The following DNAJC9 variants were observed in gnomAD, a reference collection of about 807,000 sequenced individuals.
DNAJC9 encodes the protein dnaJ homolog subfamily C member 9.
Under a neutral mutation model 32.4 loss-of-function variants are expected in DNAJC9, and 18 were observed. The observed-to-expected ratio is 0.56, with a 90% CI of 0.38 to 0.82. The LOEUF is 0.82. Ranked by LOEUF, DNAJC9 falls within the 40% of genes least tolerant of loss-of-function variation. The pLI is 0.00. For missense variants in DNAJC9, 310 were observed against 321.8 expected (o/e 0.96, Z 0.28); for synonymous variants, 113 against 122.1 (o/e 0.93, Z 0.49).
At chr10:73,239,882 A>G (rs2043902825), downstream of DNAJC9, among the ~76,000 whole-genome samples, 1 of 152,174 alleles carries the variant, frequency 6.6e-6, no homozygotes, top group South Asian at 2.1e-4. Context: ...TTTATCTTTA[A>G]ATTATACTCT....
chr10:73,245,844 T>C lies in DNAJC9; in HGVS notation c.576+78A>G, dbSNP rs1290458859. 7.1e-6 allele frequency: 11 copies of C among 1,546,980 alleles called. No homozygotes were observed. The Admixed American group carries it at 2.3e-4, about 33-fold the overall frequency. On this transcript the variant is annotated intron_variant, in intron 3 of 4. Coordinates refer to ENST00000372950, the MANE Select transcript of DNAJC9 (RefSeq NM_015190.5). ...GTCCTTATTTCTGGAGTTTTATGTT[T>C]ACTTCTACTGCTGTAAATACTCTCA...
At chr10:73,239,295 C>T (rs768764742), downstream of DNAJC9, 14 of 1,548,600 alleles carry the variant, frequency 9.0e-6, no homozygotes, top group Non-Finnish European at 1.2e-5. Flanking sequence ...AGAAGTGTCT[C>T]CTCTTTTGTC....
At chr10:73,232,978 T>C (rs2043742142) in intron 2 of DNAJC9, 2 of 1,551,864 alleles carry the variant, frequency 1.3e-6, no homozygotes, top group African/African-American at 2.7e-5. Flanking sequence ...CTGGGTCCAG[T>C]ACCATCCTTT....
downstream of DNAJC9, chr10:73,234,984 C>T (rs531961915): frequency 6.6e-4 from 1,024 of 1,542,784 alleles, 9 homozygotes; most frequent in East Asian, 0.013. Context: ...TACCATACAA[C>T]CTAATGGGCA....
chr10:73,246,916 A>T (rs926435282), intron 1 of DNAJC9, 88 bp from the exon 2 acceptor site: 2 of 1,593,770 alleles, frequency 1.3e-6, no homozygotes, highest in East Asian at 2.2e-5. Flanking sequence ...CGCCAAGCGG[A>T]GCTCAGCGCG....
downstream of DNAJC9, chr10:73,234,764 AT>A: frequency 6.5e-7 from 1 of 1,532,106 alleles, no homozygotes; most frequent in Non-Finnish European, 8.8e-7. Context: ...ATTTGCTGGT[AT>A]TGTTATAACT....
chr10:73,235,180 G>T (rs765205570), downstream of DNAJC9: 4 of 1,551,154 alleles, frequency 2.6e-6, no homozygotes, highest in Non-Finnish European at 3.5e-6. Flanking sequence ...TGTAACTTTT[G>T]TCTCCTCTGC....
At position 73,246,251 on chromosome 10, in the gene DNAJC9, T is replaced by G. The variant is rs1564723829; in HGVS notation, c.322-75A>C. 1.3e-5 allele frequency: 20 copies of G among 1,509,620 alleles called. No homozygotes were observed. In the East Asian group the frequency reaches 4.5e-4, roughly 34 times the overall value. 93.5% of individuals were successfully genotyped at this position (1,509,620 alleles called of 1,614,324 possible). On this transcript the variant is annotated intron_variant, in intron 2 of 4. Coordinates refer to ENST00000372950, the MANE Select transcript of DNAJC9 (RefSeq NM_015190.5). ...AAACGTACGTTAGTAAAACTAGAGT[T>G]GGGTGTTGAATTGCTGCAATACAAC... is the stretch of plus-strand genomic sequence containing the variant.
intron 2 of DNAJC9, chr10:73,233,286 C>A: frequency 2.8e-6 from 2 of 713,134 alleles, no homozygotes; most frequent in South Asian, 1.8e-5. Flanking sequence ...AGTCTTATGA[C>A]AGATTGCCCA....
chr10:73,246,667 G>C (rs555730888), intron 2 of DNAJC9, 21 bp downstream of exon 2: 1 of 1,613,570 alleles, frequency 6.2e-7, no homozygotes, highest in African/African-American at 1.3e-5. Context: ...CAGTCACAAA[G>C]AAACCTCCAG....
chr10:73,238,214 G>C (rs1423765571), downstream of DNAJC9, among the ~76,000 whole-genome samples: 1 of 152,120 alleles, frequency 6.6e-6, no homozygotes, highest in African/African-American at 2.4e-5. Context: ...AGGCATGGTG[G>C]TGCATGCCTG....
At chr10:73,236,413 CTTT>C (rs571460371), downstream of DNAJC9, among the ~76,000 whole-genome samples, 32 of 133,278 alleles carry the variant, frequency 2.4e-4, 1 homozygote, top group East Asian at 4.6e-3. Flanking sequence ...CAATTTCTGC[CTTT>C]TTTTTTTTTT....
chr10:73,236,066 G>A (rs2043813674), downstream of DNAJC9, among the ~76,000 whole-genome samples: 1 of 152,138 alleles, frequency 6.6e-6, no homozygotes, highest in Non-Finnish European at 1.5e-5. Flanking sequence ...TTTCAGGATG[G>A]TAGTGTTTGC....
chr10:73,239,301 T>G (rs1348424786), downstream of DNAJC9: 1 of 1,550,692 alleles, frequency 6.4e-7, no homozygotes. Flanking sequence ...GTCTCCTCTT[T>G]TGTCTTGTAG....
At chr10:73,234,894 C>T, downstream of DNAJC9, 1 of 1,552,010 alleles carries the variant, frequency 6.4e-7, no homozygotes. Flanking sequence ...CCTATTGGCA[C>T]AGCTGAAGTG....
chr10:73,246,687 C>T lies in DNAJC9; in HGVS notation c.321+1G>A. Reference sequence around the variant, plus strand: ...ACAAAGAAACCTCCAGAGTCCTTTACCTTTTTAAAGAGTAGCCGCCAATAC... The same window carrying T: ...ACAAAGAAACCTCCAGAGTCCTTTATCTTTTTAAAGAGTAGCCGCCAATAC... On this transcript the variant is annotated splice_donor_variant, in intron 2 of 4. Coordinates refer to ENST00000372950, the MANE Select transcript of DNAJC9 (RefSeq NM_015190.5). LOFTEE classifies it high-confidence loss of function. The T allele has an allele frequency of 6.2e-7, 1 of 1,613,940 alleles. No individual in the cohort carries two copies. The highest frequency in any genetic ancestry group is 8.5e-7 in the Non-Finnish European group (1 of 1,179,856).
At chr10:73,239,845 G>A (rs1316066216), downstream of DNAJC9, among the ~76,000 whole-genome samples, 3 of 152,214 alleles carry the variant, frequency 2.0e-5, no homozygotes, top group African/African-American at 4.8e-5. Flanking sequence ...AGGATATGCT[G>A]AGTCTGATTC....
chr10:73,246,450 T>A (rs1269615243), intron 2 of DNAJC9, among the ~76,000 whole-genome samples: 1 of 152,062 alleles, frequency 6.6e-6, no homozygotes, highest in Non-Finnish European at 1.5e-5. Flanking sequence ...TTTGGATATG[T>A]AAAATAAAGC....
downstream of DNAJC9, among the ~76,000 whole-genome samples, chr10:73,237,261 AAAACAAGAAAAGG>A (rs2043842403): frequency 6.6e-6 from 1 of 152,210 alleles, no homozygotes; most frequent in Non-Finnish European, 1.5e-5. Flanking sequence ...AAACTCACCA[AAAACAAGAAAAGG>A]AAACATGAGC....
Sources: gnomAD v4.1 joint callset for allele counts (sites outside exome capture counted in the v4.1 genomes callset) on GRCh38, gnomAD v4.1.1 for gene constraint, MANE v1.5 for transcripts, NCBI Gene and HGNC (gene_info 2026-07-23, HGNC 2026-07-21) for gene names.